The following CDKAL1 variants were observed in gnomAD, a reference collection of about 807,000 sequenced individuals.
The protein encoded by CDKAL1 is threonylcarbamoyladenosine tRNA methylthiotransferase.
In CDKAL1, 32 loss-of-function variants were observed where a neutral mutation model predicts 68.2. The observed-to-expected ratio is 0.47, with a 90% CI of 0.35 to 0.63. CDKAL1 has a LOEUF of 0.63. Among genes scored for constraint, CDKAL1 ranks in the 30% least tolerant of loss-of-function variants. CDKAL1 has a pLI of 0.00. For synonymous variants in CDKAL1, 234 were observed against 244.3 expected, an observed-to-expected ratio of 0.96 and a Z score of 0.39; for missense variants, 606 against 696.7, an observed-to-expected ratio of 0.87 and a Z score of 1.47.
intron 4 of CDKAL1, among the ~76,000 whole-genome samples, chr6:20,550,860 C>CTTTTT (rs70990044): frequency 1.5e-4 from 11 of 72,908 alleles, no homozygotes; most frequent in Non-Finnish European, 2.1e-4. Context: ...GAGGTTGTGT[C>CTTTTT]TTTTTTTTTT....
intron 7 of CDKAL1, among the ~76,000 whole-genome samples, chr6:20,764,019 C>T (rs4351239): frequency 0.56 from 85,191 of 151,924 alleles, 24,290 homozygotes; most frequent in East Asian, 0.8. Flanking sequence ...CATTCATTTC[C>T]GTCTTTTAAA....
chr6:21,114,247 CAAAAAAAAAA>C (rs55859447), intron 13 of CDKAL1, among the ~76,000 whole-genome samples: 1 of 101,724 alleles, frequency 9.8e-6, no homozygotes, highest in Non-Finnish European at 2.1e-5. Flanking sequence ...GACTCTGTCT[CAAAAAAAAAA>C]AAAAAAAAAA....
chr6:21,156,210 C>G (rs1242926343), intron 13 of CDKAL1, among the ~76,000 whole-genome samples: 2 of 152,018 alleles, frequency 1.3e-5, no homozygotes, highest in African/African-American at 4.8e-5. Context: ...CACTTGAGCT[C>G]AGGAGTTTGA....
chr6:21,205,818 C>A lies in CDKAL1; in HGVS notation c.1548+4544C>A, dbSNP rs541778578. 4.9e-3 allele frequency among the ~76,000 whole-genome samples: 678 copies of A among 138,730 alleles called. 7 individuals are homozygous for A. Among genetic ancestry groups the A allele is most frequent in the East Asian group, 0.011 (49 of 4,642 alleles). 91.0% of individuals were successfully genotyped at this position (138,730 alleles called of 152,430 possible). On this transcript the variant is annotated intron_variant, in intron 15 of 15. Coordinates refer to ENST00000274695, the MANE Select transcript of CDKAL1 (RefSeq NM_017774.3). ...AGTGCTGGGATTACATGCGTGAGCC[C>A]CCGCGCCCAGCCTTTTTTTTTTTTT...
chr6:20,660,412 C>T (rs1305089944), intron 5 of CDKAL1, among the ~76,000 whole-genome samples: 1 of 152,104 alleles, frequency 6.6e-6, no homozygotes, highest in Non-Finnish European at 1.5e-5. Context: ...GAATGTTCTC[C>T]CAAGGTTGTA....
chr6:20,984,818 G>C lies in CDKAL1; in HGVS notation c.910-15409G>C, dbSNP rs866268080. 3.0e-4 allele frequency among the ~76,000 whole-genome samples: 44 copies of C among 148,898 alleles called. 1 individual carries two copies. The highest frequency in any genetic ancestry group is 4.9e-4 in the Non-Finnish European group (33 of 67,504). ...TTTTTATGGGCACAGTAACGGGGGG[G>C]GGTGGGGAAGGCTATGGGTGGTTTT... On this transcript the variant is annotated intron_variant, in intron 10 of 15. Coordinates refer to ENST00000274695, the MANE Select transcript of CDKAL1 (RefSeq NM_017774.3).
intron 15 of CDKAL1, 52 bp from the exon 16 acceptor site, chr6:21,230,796 G>A: frequency 1.4e-6 from 2 of 1,410,372 alleles, no homozygotes; most frequent in Non-Finnish European, 1.9e-6. Context: ...TATCACAACA[G>A]GGCTTTCTCT....
chr6:20,811,785 TAAAAAA>T (rs370931927), intron 8 of CDKAL1, among the ~76,000 whole-genome samples: 2 of 103,638 alleles, frequency 1.9e-5, no homozygotes, highest in African/African-American at 3.7e-5. Flanking sequence ...TACCTAGTAG[TAAAAAA>T]AAAAAAAAAA....
intron 11 of CDKAL1, among the ~76,000 whole-genome samples, chr6:21,030,671 T>A (rs1479716640): frequency 6.6e-6 from 1 of 152,194 alleles, no homozygotes; most frequent in Non-Finnish European, 1.5e-5. Context: ...ATCTCTTCTT[T>A]CGATGCTTTC....
chr6:20,939,676 G>A (rs1475856551), intron 9 of CDKAL1, among the ~76,000 whole-genome samples: 1 of 152,122 alleles, frequency 6.6e-6, no homozygotes, highest in Non-Finnish European at 1.5e-5. Context: ...TATATTGGCT[G>A]CAGAGGAGAC....
chr6:20,992,797 G>A (rs1766902351), intron 10 of CDKAL1, among the ~76,000 whole-genome samples: 1 of 151,816 alleles, frequency 6.6e-6, no homozygotes, highest in South Asian at 2.1e-4. Context: ...ATCTACTCGA[G>A]AGGCTGAGGT....
intron 4 of CDKAL1, among the ~76,000 whole-genome samples, chr6:20,591,613 A>C (rs1765596931): frequency 6.6e-6 from 1 of 152,132 alleles, no homozygotes; most frequent in Non-Finnish European, 1.5e-5. Context: ...TCCCGACACC[A>C]TTTATTAAAT....
chr6:20,605,948 G>A (rs552456238), intron 4 of CDKAL1, among the ~76,000 whole-genome samples: 1 of 152,262 alleles, frequency 6.6e-6, no homozygotes, highest in East Asian at 1.9e-4. Context: ...AGCAAGCCTT[G>A]ATTTCCTCAA....
At chr6:20,936,820 T>C (rs1763743988) in intron 9 of CDKAL1, among the ~76,000 whole-genome samples, 1 of 152,200 alleles carries the variant, frequency 6.6e-6, no homozygotes, top group South Asian at 2.1e-4. Context: ...TCAGGAAACT[T>C]TGACTCCGTG....
At chr6:21,112,335 A>G (rs1419406178) in intron 13 of CDKAL1, among the ~76,000 whole-genome samples, 3 of 152,224 alleles carry the variant, frequency 2.0e-5, no homozygotes, top group Non-Finnish European at 4.4e-5. Flanking sequence ...AAAAAATTGA[A>G]ATGCTTGGAA....
At chr6:21,208,017 C>CTT (rs56674577) in intron 15 of CDKAL1, among the ~76,000 whole-genome samples, 11 of 146,442 alleles carry the variant, frequency 7.5e-5, no homozygotes, top group Admixed American at 2.7e-4. Context: ...CTCTTTATGT[C>CTT]TTTTTTTTTT....
chr6:20,983,149 G>C (rs1766247193), intron 10 of CDKAL1, among the ~76,000 whole-genome samples: 1 of 152,182 alleles, frequency 6.6e-6, no homozygotes, highest in Non-Finnish European at 1.5e-5. Context: ...AACAGGGATG[G>C]AATATGTCTC....
chr6:20,700,056 A>AT (rs879622187), intron 5 of CDKAL1, among the ~76,000 whole-genome samples: 69 of 144,474 alleles, frequency 4.8e-4, no homozygotes, highest in South Asian at 1.8e-3. Flanking sequence ...TGGATTAGGC[A>AT]TTTTTTTTTT....
intron 12 of CDKAL1, among the ~76,000 whole-genome samples, chr6:21,075,181 G>A (rs1772001974): frequency 8.6e-6 from 1 of 115,640 alleles, no homozygotes; most frequent in Non-Finnish European, 1.9e-5. Flanking sequence ...GCCTCTTAGT[G>A]AAGATATACT....
Sources: allele counts gnomAD v4.1 joint callset (sites outside exome capture counted in the v4.1 genomes callset), GRCh38; gene constraint gnomAD v4.1.1; transcripts MANE v1.5; gene names NCBI Gene and HGNC (gene_info 2026-07-23, HGNC 2026-07-21).